FUT8: variants seen among roughly 807,000 people sequenced by gnomAD.
FUT8 encodes fucosyltransferase 8.
In FUT8, 29 loss-of-function variants were observed where a neutral mutation model predicts 71.3. That is an observed-to-expected ratio of 0.41 (90% CI 0.30 to 0.55). The LOEUF (loss-of-function observed/expected upper bound fraction) is 0.55, where lower values mean the gene tolerates loss of function less well. Ranked by LOEUF, FUT8 falls within the 20% of genes least tolerant of loss-of-function variation. The pLI, the probability that FUT8 is intolerant of heterozygous loss-of-function variation, is 0.34. For synonymous variants in FUT8, 254 were observed against 239.3 expected, an observed-to-expected ratio of 1.06 and a Z score of -0.57; for missense variants, 544 against 702.1, an observed-to-expected ratio of 0.77 and a Z score of 2.55.
chr14:65,455,390 C>G (rs774093375), intron 1 of FUT8, among the ~76,000 whole-genome samples: 7 of 152,124 alleles, frequency 4.6e-5, no homozygotes, highest in Non-Finnish European at 7.4e-5. Context: ...AACTATGAAG[C>G]AAATTAAACC....
At chr14:65,717,373 G>GAT in intron 7 of FUT8, among the ~76,000 whole-genome samples, 1 of 147,552 alleles carries the variant, frequency 6.8e-6, no homozygotes, top group African/African-American at 2.5e-5. Context: ...TCCCAGACGG[G>GAT]GCGGCCAGGC....
intron 1 of FUT8, among the ~76,000 whole-genome samples, chr14:65,432,315 T>C (rs2065488516): frequency 6.6e-6 from 1 of 152,204 alleles, no homozygotes; most frequent in South Asian, 2.1e-4. Context: ...GAGATTGTCA[T>C]CTAATTGTCA....
intron 7 of FUT8, among the ~76,000 whole-genome samples, chr14:65,701,217 TA>T (rs1458631300): frequency 3.9e-5 from 6 of 152,204 alleles, no homozygotes; most frequent in Admixed American, 3.9e-4. Context: ...CTTTAATTTA[TA>T]AGGTCTTCAT....
chr14:65,658,417 G>A (rs1431621305), intron 6 of FUT8, among the ~76,000 whole-genome samples: 1 of 152,082 alleles, frequency 6.6e-6, no homozygotes, highest in Admixed American at 6.6e-5. Context: ...ATATGATCCA[G>A]CAATCACATT....
intron 1 of FUT8, among the ~76,000 whole-genome samples, chr14:65,439,955 T>C (rs1200766708): frequency 2.8e-3 from 43 of 15,104 alleles, no homozygotes; most frequent in African/African-American, 9.0e-3. Flanking sequence ...TGTGTGTGTG[T>C]ATATATATAT....
At position 65,634,509 on chromosome 14, in the gene FUT8, C is replaced by T. The variant is rs1192066388; in HGVS notation, c.597+4903C>T. On this transcript the variant is annotated intron_variant, in intron 6 of 10. Transcript: ENST00000673929. ...CTGTGGACCTTCCCTCCACTATTGT[C>T]CTATGACCCTGCCAAATCCCCCTCT... Among the ~76,000 whole-genome samples, 5 of 150,668 alleles carry T rather than the reference C, an allele frequency of 3.3e-5. No individual in the cohort carries two copies. In the East Asian group the frequency reaches 9.8e-4, roughly 30 times the overall value.
chr14:65,717,313 G>C (rs1215788044), intron 7 of FUT8, among the ~76,000 whole-genome samples: 1 of 137,580 alleles, frequency 7.3e-6, no homozygotes, highest in African/African-American at 2.8e-5. Flanking sequence ...GCCGGGCAGA[G>C]GCACTCCTCA....
At chr14:65,650,390 C>T (rs1594859939) in intron 6 of FUT8, among the ~76,000 whole-genome samples, 2 of 147,178 alleles carry the variant, frequency 1.4e-5, no homozygotes, top group Admixed American at 1.4e-4. Flanking sequence ...ATAGGCTGTG[C>T]AGGAAGCATA....
At chr14:65,575,576 CT>C (rs1886715497) in intron 3 of FUT8, among the ~76,000 whole-genome samples, 1 of 3,066 alleles carries the variant, frequency 3.3e-4, no homozygotes. Flanking sequence ...TCTTTCCTTC[CT>C]TCCTTCTTCC....
In FUT8 at chr14:65,724,249, C is replaced by T; in HGVS notation, c.1185C>T (p.Arg395=). ...AAGAACATTTTCAGCTTCTTGCACG[C>T]AGAATGCAAGTGGACAAAAAAAGAG... ...HVEEHFQLLA[R]RMQVDKKRVY... is the part of the protein sequence containing the mutation. Residue 395 remains arginine, a synonymous_variant, in exon 9 of 11, where the codon CGC becomes CGT. Coordinates refer to ENST00000673929, the MANE Select transcript of FUT8 (RefSeq NM_001371533.1). The T allele has an allele frequency of 6.2e-7, 1 of 1,613,360 alleles. No individual in the cohort carries two copies. The highest frequency in any genetic ancestry group is 8.5e-7 in the Non-Finnish European group (1 of 1,179,776).
chr14:65,442,774 T>G (rs1317157694), intron 1 of FUT8, among the ~76,000 whole-genome samples: 1 of 150,692 alleles, frequency 6.6e-6, no homozygotes, highest in Non-Finnish European at 1.5e-5. Context: ...AGGCAGAGTT[T>G]GCAGTGAGCC....
rs112752328 is a variant in FUT8 at position 65,591,952 on chromosome 14, G to A, written c.204-24026G>A. On this transcript the variant is annotated intron_variant, in intron 3 of 10. Transcript: ENST00000673929. The stretch of plus-strand genomic sequence containing the variant: ...CTGTAACAATTTGCATGAGTTGGTT[G>A]TAACTAAAAAACATGTAAACTCTAT... Among the ~76,000 whole-genome samples the A allele has an allele frequency of 9.4e-3, 1,413 of 150,316 alleles. 22 individuals are homozygous for A. Among genetic ancestry groups the A allele is most frequent in the African/African-American group, 0.033 (1,345 of 40,804 alleles).
chr14:65,742,073 C>T lies in FUT8; in HGVS notation c.1411-20C>T. 1 of 1,599,044 alleles carries T rather than the reference C, an allele frequency of 6.3e-7. No homozygotes were observed. Among genetic ancestry groups the T allele is most frequent in the African/African-American group, 1.3e-5 (1 of 74,352 alleles). ...GAGAGTGTTTATATACTAACAATTT[C>T]TTTTAAATTCTTTCCCAAGGTCTGT... On this transcript the variant is annotated intron_variant, in intron 10 of 10. Coordinates refer to ENST00000673929, the MANE Select transcript of FUT8 (RefSeq NM_001371533.1).
chr14:65,359,441 T>G, the FUT8 span, among the ~76,000 whole-genome samples: 13 of 152,254 alleles, frequency 8.5e-5, no homozygotes, highest in African/African-American at 3.1e-4. Flanking sequence ...ACCATACATC[T>G]CCAGAACTTT....
the FUT8 span, among the ~76,000 whole-genome samples, chr14:65,397,491 T>A: frequency 6.6e-6 from 1 of 152,368 alleles, no homozygotes; most frequent in African/African-American, 2.4e-5. The surrounding 1 kb of genome is among the most constrained non-coding windows in gnomAD (Gnocchi z 4.2). Flanking sequence ...GTTTGCATAT[T>A]TTCCCCATGT....
At chr14:65,526,390 C>T (rs1000719063) in intron 2 of FUT8, among the ~76,000 whole-genome samples, 1 of 152,112 alleles carries the variant, frequency 6.6e-6, no homozygotes, top group East Asian at 1.9e-4. Context: ...GCAACCCCTG[C>T]CTTTTTTTGT....
intron 2 of FUT8, among the ~76,000 whole-genome samples, chr14:65,457,678 T>C (rs898514806): frequency 6.6e-6 from 1 of 152,110 alleles, no homozygotes; most frequent in African/African-American, 2.4e-5. Context: ...AGGGGGTACG[T>C]GACAGGGGCT....
chr14:65,687,060 G>T (rs1893326480), intron 7 of FUT8, among the ~76,000 whole-genome samples: 1 of 152,082 alleles, frequency 6.6e-6, no homozygotes, highest in Non-Finnish European at 1.5e-5. Flanking sequence ...TTGTTAGTTG[G>T]TTAGAGGTTT....
chr14:65,409,013 A>T (rs2139330210), upstream of FUT8, among the ~76,000 whole-genome samples: 1 of 152,230 alleles, frequency 6.6e-6, no homozygotes, highest in Admixed American at 6.5e-5. The surrounding 1 kb of genome is among the most constrained non-coding windows in gnomAD (Gnocchi z 5.4). Flanking sequence ...AGTTATTGTC[A>T]ATGGTGTGTC....
Sources: allele counts gnomAD v4.1 joint callset (sites outside exome capture counted in the v4.1 genomes callset), GRCh38; gene constraint gnomAD v4.1.1; non-coding constraint Gnocchi (gnomAD v3.1); transcripts MANE v1.5; gene names NCBI Gene and HGNC (gene_info 2026-07-23, HGNC 2026-07-21).